The following FRMD4B variants were observed in gnomAD, a reference collection of about 807,000 sequenced individuals.
FRMD4B encodes FERM domain-containing protein 4B.
Under a neutral mutation model 141.5 loss-of-function variants are expected in FRMD4B, and 74 were observed. The ratio of observed to expected loss-of-function variants is 0.52; its 90% CI spans 0.43 to 0.63. FRMD4B has a LOEUF of 0.63. Among genes scored for constraint, FRMD4B ranks in the 30% least tolerant of loss-of-function variants. FRMD4B has a pLI of 0.00. For synonymous variants in FRMD4B, 506 were observed against 467.9 expected (o/e 1.08, Z -1.05); for missense variants, 1,366 against 1,253.4 (o/e 1.09, Z -1.36).
At position 69,181,235 on chromosome 3, in the gene FRMD4B, A is replaced by G. The variant is rs1285514090; in HGVS notation, c.2515T>C (p.Tyr839His). The G allele has an allele frequency of 6.8e-6, 11 of 1,613,764 alleles. No individual in the cohort carries two copies. Among genetic ancestry groups the G allele is most frequent in the East Asian group, 2.2e-5 (1 of 44,882 alleles). The part of the protein sequence containing the change: ...TEGQYSVNPS[Y>H]RSSAHYGYER... The stretch of plus-strand genomic sequence containing the variant: ...TATCCATAGTGGGCTGAGGACCGGT[A>G]GGAAGGGTTGACACTATACTGTCCC... The change falls in exon 21 of 23, where the codon TAC (tyrosine) becomes CAC (histidine). Residue 839 changes from tyrosine to histidine, a missense_variant. Transcript: ENST00000398540.
At chr3:69,206,610 G>C (rs1485786809) in intron 11 of FRMD4B, among the ~76,000 whole-genome samples, 1 of 152,184 alleles carries the variant, frequency 6.6e-6, no homozygotes. Context: ...CACCAGGGCT[G>C]AGCTACTGCT....
At chr3:69,362,632 G>A (rs1002362759) in intron 1 of FRMD4B, among the ~76,000 whole-genome samples, 1 of 151,478 alleles carries the variant, frequency 6.6e-6, no homozygotes, top group Non-Finnish European at 1.5e-5. Flanking sequence ...AGCCGGGATC[G>A]TGCCACTGCA....
chr3:69,225,626 C>A (rs888777071), intron 7 of FRMD4B, among the ~76,000 whole-genome samples: 1 of 121,334 alleles, frequency 8.2e-6, no homozygotes, highest in South Asian at 2.7e-4. Flanking sequence ...ACCTGGGAAG[C>A]GCAGCTTGCA....
intron 2 of FRMD4B, among the ~76,000 whole-genome samples, chr3:69,412,430 A>C (rs1308715730): frequency 2.6e-5 from 4 of 152,176 alleles, no homozygotes; most frequent in Non-Finnish European, 4.4e-5. Flanking sequence ...TCTTTTGATA[A>C]CCCTAAAGTT....
At chr3:69,292,989 T>A (rs893591177) in intron 4 of FRMD4B, 11 of 453,892 alleles carry the variant, frequency 2.4e-5, no homozygotes, top group Non-Finnish European at 4.9e-5. Flanking sequence ...TTCACAAGTG[T>A]AATTTCTTGA....
chr3:69,461,169 T>C (rs750340939), intron 1 of FRMD4B, among the ~76,000 whole-genome samples: 1 of 152,214 alleles, frequency 6.6e-6, no homozygotes, highest in African/African-American at 2.4e-5. Context: ...GACATTTTCA[T>C]TGTTAAGTTG....
intron 2 of FRMD4B, among the ~76,000 whole-genome samples, chr3:69,409,623 A>G (rs1425551715): frequency 2.0e-5 from 3 of 152,146 alleles, no homozygotes; most frequent in African/African-American, 7.2e-5. Context: ...CCTCCACTTC[A>G]GGGGAAAACC....
intron 2 of FRMD4B, among the ~76,000 whole-genome samples, chr3:69,408,427 A>G (rs923679223): frequency 2.0e-5 from 3 of 152,202 alleles, no homozygotes; most frequent in Non-Finnish European, 2.9e-5. Flanking sequence ...AGTTCCGCCA[A>G]TTGACGCTTT....
At chr3:69,186,432 C>T (rs1308067795) in intron 19 of FRMD4B, among the ~76,000 whole-genome samples, 1 of 151,926 alleles carries the variant, frequency 6.6e-6, no homozygotes. Context: ...AAATTTTGGG[C>T]CGGGCACACT....
intron 5 of FRMD4B, among the ~76,000 whole-genome samples, chr3:69,260,371 G>A (rs1002602278): frequency 6.6e-5 from 10 of 152,192 alleles, no homozygotes; most frequent in Non-Finnish European, 1.0e-4. Flanking sequence ...CACCCGGAGC[G>A]GCTGGTCGTC....
chr3:69,401,164 G>A (rs1704557393), intron 2 of FRMD4B, among the ~76,000 whole-genome samples: 1 of 152,186 alleles, frequency 6.6e-6, no homozygotes, highest in Non-Finnish European at 1.5e-5. Flanking sequence ...ATTATGTTCA[G>A]GCTGAAGAAG....
chr3:69,333,306 T>C (rs1702440983), intron 1 of FRMD4B, among the ~76,000 whole-genome samples: 1 of 152,190 alleles, frequency 6.6e-6, no homozygotes, highest in Admixed American at 6.5e-5. Context: ...TTTAGTGCAC[T>C]GGAGCAAGGA....
intron 1 of FRMD4B, among the ~76,000 whole-genome samples, chr3:69,439,013 C>T (rs1385037330): frequency 1.3e-5 from 2 of 151,994 alleles, no homozygotes; most frequent in African/African-American, 2.4e-5. Flanking sequence ...TCAGAAGCAA[C>T]CATTATTCTG....
At chr3:69,299,399 A>G (rs1488445172) in intron 4 of FRMD4B, among the ~76,000 whole-genome samples, 1 of 152,212 alleles carries the variant, frequency 6.6e-6, no homozygotes, top group Non-Finnish European at 1.5e-5. Flanking sequence ...GATGAGATAC[A>G]TGACAACATC....
In FRMD4B at chr3:69,193,790, T is replaced by C. The variant is rs2092867986; in HGVS notation, c.1572A>G (p.Pro524=). 2 of 1,613,744 alleles carry C rather than the reference T, an allele frequency of 1.2e-6. No homozygotes were observed. The highest frequency in any genetic ancestry group is 8.5e-7 in the Non-Finnish European group (1 of 1,179,614). Residue 524 remains proline (P), a synonymous_variant, in exon 17 of 23, where the codon CCA becomes CCG. Coordinates refer to ENST00000398540, the MANE Select transcript of FRMD4B (RefSeq NM_015123.3). ...VEAAKKLANE[P]DLCKTVKKKR... is the part of the protein sequence containing the mutation. ...TTTTCTTCACAGTTTTACAAAGGTCTGGCTCATTGGCAAGTTTCTTTGCAG... is the reference window on the plus strand; with the variant it reads ...TTTTCTTCACAGTTTTACAAAGGTCCGGCTCATTGGCAAGTTTCTTTGCAG...
intron 1 of FRMD4B, among the ~76,000 whole-genome samples, chr3:69,324,786 G>A (rs899343529): frequency 5.3e-5 from 8 of 152,290 alleles, no homozygotes; most frequent in East Asian, 1.9e-4. Context: ...CAGGAAGCAC[G>A]AGAAATGAGG....
intron 11 of FRMD4B, among the ~76,000 whole-genome samples, chr3:69,206,488 G>A (rs2093025521): frequency 6.6e-6 from 1 of 152,166 alleles, no homozygotes; most frequent in Admixed American, 6.5e-5. Flanking sequence ...ACACCTAAAA[G>A]GATGTCATCA....
chr3:69,299,175 G>GGAAT (rs1421617000), intron 4 of FRMD4B, among the ~76,000 whole-genome samples: 5 of 152,068 alleles, frequency 3.3e-5, no homozygotes, highest in Non-Finnish European at 7.3e-5. Flanking sequence ...AAGGAAGGAA[G>GGAAT]AAATGTTTCT....
chr3:69,376,458 G>A (rs1026738088), intron 1 of FRMD4B, among the ~76,000 whole-genome samples: 34 of 151,982 alleles, frequency 2.2e-4, no homozygotes, highest in African/African-American at 8.2e-4. Flanking sequence ...TTAATATCTA[G>A]TAGCTGTTAC....
Sources: allele counts gnomAD v4.1 joint callset (sites outside exome capture counted in the v4.1 genomes callset), GRCh38; gene constraint gnomAD v4.1.1; transcripts MANE v1.5; gene names NCBI Gene and HGNC (gene_info 2026-07-23, HGNC 2026-07-21).